MCTP2: variants seen among roughly 807,000 people sequenced by gnomAD.
MCTP2 encodes the protein multiple C2 and transmembrane domain containing 2.
MCTP2 carries 132 observed loss-of-function variants against 111.6 expected under a neutral mutation model. That is an observed-to-expected ratio of 1.18 (90% CI 1.03 to 1.37). The LOEUF (loss-of-function observed/expected upper bound fraction) is 1.37. MCTP2 is among the 40% of genes most tolerant of loss of function. The pLI is 0.00. For synonymous variants in MCTP2, 395 were observed against 387.7 expected (o/e 1.02, Z -0.22); for missense variants, 1,183 against 1,067.9 (o/e 1.11, Z -1.50).
At chr15:94,366,736 A>T (rs762869273) in intron 10 of MCTP2, among the ~76,000 whole-genome samples, 1 of 152,182 alleles carries the variant, frequency 6.6e-6, no homozygotes, top group Non-Finnish European at 1.5e-5. Context: ...TGGGAATACC[A>T]TGCCCCACTT....
Position 94,384,961 on chromosome 15 carries a change from A to G in MCTP2, c.1686-462A>G, listed in dbSNP as rs186613396. ...ATATTAAAATATGTATATTTTTAGTATTTTGTGTTTCAACAACAGAGGGTT... is the reference window on the plus strand; with the variant it reads ...ATATTAAAATATGTATATTTTTAGTGTTTTGTGTTTCAACAACAGAGGGTT... On this transcript the variant is annotated intron_variant, in intron 13 of 22. Coordinates refer to ENST00000357742, the MANE Select transcript of MCTP2 (RefSeq NM_001385001.1). 1.1e-3 allele frequency among the ~76,000 whole-genome samples: 170 copies of G among 152,282 alleles called. 3 individuals carry two copies. Among genetic ancestry groups the G allele is most frequent in the Middle Eastern group, 6.8e-3 (2 of 294 alleles).
intron 20 of MCTP2, among the ~76,000 whole-genome samples, chr15:94,468,236 T>C (rs1466558239): frequency 6.6e-6 from 1 of 150,810 alleles, no homozygotes; most frequent in Non-Finnish European, 1.5e-5. Context: ...GTTTTTACAA[T>C]GTGCCAGACA....
chr15:94,446,891 G>A (rs1217314257), intron 19 of MCTP2, among the ~76,000 whole-genome samples: 1 of 152,190 alleles, frequency 6.6e-6, no homozygotes, highest in African/African-American at 2.4e-5. Flanking sequence ...TATATCAGTT[G>A]TAGATGAAAA....
intron 4 of MCTP2, among the ~76,000 whole-genome samples, chr15:94,328,584 A>G (rs1252712354): frequency 6.6e-6 from 1 of 152,124 alleles, no homozygotes; most frequent in Non-Finnish European, 1.5e-5. Flanking sequence ...TGATTTACTC[A>G]TGTCTGAGTT....
chr15:94,352,094 A>G (rs1043050645), intron 8 of MCTP2, among the ~76,000 whole-genome samples: 1 of 152,194 alleles, frequency 6.6e-6, no homozygotes, highest in Non-Finnish European at 1.5e-5. Context: ...AATGTATGCC[A>G]CCAAACTGTA....
chr15:94,232,363 CCT>C (rs2070240492), intron 1 of MCTP2, among the ~76,000 whole-genome samples: 1 of 152,072 alleles, frequency 6.6e-6, no homozygotes, highest in African/African-American at 2.4e-5. Flanking sequence ...GTTTCAGCCT[CCT>C]CTAGATGCTT....
At chr15:94,297,983 C>T (rs1227789881) in intron 1 of MCTP2, among the ~76,000 whole-genome samples, 1 of 151,452 alleles carries the variant, frequency 6.6e-6, no homozygotes. Flanking sequence ...AATGTTTCTA[C>T]AGTTGCTCTG....
At chr15:94,307,729 C>T (rs1240552581) in intron 2 of MCTP2, among the ~76,000 whole-genome samples, 1 of 152,126 alleles carries the variant, frequency 6.6e-6, no homozygotes, top group Non-Finnish European at 1.5e-5. Context: ...CCAAGCTTTG[C>T]CTTGGACAAA....
chr15:94,337,666 G>GGTGTGT (rs3068711), intron 4 of MCTP2, among the ~76,000 whole-genome samples: 2,086 of 150,882 alleles, frequency 0.014, 38 homozygotes, highest in African/African-American at 0.046. Flanking sequence ...GCCCGAACAC[G>GGTGTGT]GTGTGTGTGT....
At chr15:94,358,377 C>T in intron 9 of MCTP2, 105 bp from the exon 10 acceptor site, 1 of 1,048,336 alleles carries the variant, frequency 9.5e-7, no homozygotes, top group Non-Finnish European at 1.4e-6. Context: ...GGGGTGAGGT[C>T]CATCATCTTG....
chr15:94,245,436 A>G (rs1488660230), intron 1 of MCTP2, among the ~76,000 whole-genome samples: 2 of 137,920 alleles, frequency 1.5e-5, no homozygotes, highest in African/African-American at 2.6e-5. Flanking sequence ...ATATATTTAT[A>G]TATACACATA....
At chr15:94,289,122 C>T (rs1356073998) in intron 1 of MCTP2, among the ~76,000 whole-genome samples, 1 of 152,110 alleles carries the variant, frequency 6.6e-6, no homozygotes, top group Non-Finnish European at 1.5e-5. Context: ...ATGGCTGAAA[C>T]ATTGATAGAT....
intron 4 of MCTP2, among the ~76,000 whole-genome samples, chr15:94,326,137 C>G (rs542587105): frequency 6.6e-6 from 1 of 152,114 alleles, no homozygotes; most frequent in South Asian, 2.1e-4. Context: ...TTTTTAAAAT[C>G]TATTTTTCTT....
At chr15:94,314,848 G>T (rs113056034) in intron 3 of MCTP2, 15 of 447,594 alleles carry the variant, frequency 3.4e-5, no homozygotes, top group Middle Eastern at 3.3e-4. Flanking sequence ...AGGAGGAAGT[G>T]ACTGAGTTGC....
chr15:94,303,047 G>A (rs1596308923), intron 2 of MCTP2, among the ~76,000 whole-genome samples: 1 of 136,902 alleles, frequency 7.3e-6, no homozygotes, highest in South Asian at 2.2e-4. Flanking sequence ...TCTCTAGAGG[G>A]GCAGAACTAA....
chr15:94,332,825 T>C (rs955101355), intron 4 of MCTP2, among the ~76,000 whole-genome samples: 1 of 152,210 alleles, frequency 6.6e-6, no homozygotes, highest in African/African-American at 2.4e-5. Flanking sequence ...ACAGTGGATT[T>C]TTAGTCCAAA....
rs567675142 is a variant in MCTP2 at position 94,243,823 on chromosome 15, A to G, written c.-66+12159A>G. On this transcript the variant is annotated intron_variant, in intron 1 of 22. Coordinates refer to ENST00000357742, the MANE Select transcript of MCTP2 (RefSeq NM_001385001.1). Reference sequence around the variant, plus strand: ...TATGCGTATATACATATATGTATACACATATGTATATATTTATGTACACAT... The same window carrying G: ...TATGCGTATATACATATATGTATACGCATATGTATATATTTATGTACACAT... Among the ~76,000 whole-genome samples, 16 of 148,340 alleles carry G rather than the reference A, an allele frequency of 1.1e-4. No individual in the cohort carries two copies. The South Asian group carries it at 3.2e-3, about 29-fold the overall frequency.
intron 17 of MCTP2, among the ~76,000 whole-genome samples, chr15:94,423,271 G>A (rs559828273): frequency 1.3e-5 from 2 of 152,208 alleles, no homozygotes; most frequent in South Asian, 2.1e-4. Context: ...CCTCTCAAGA[G>A]CCCTTGAGGC....
At position 94,345,158 on chromosome 15, in the gene MCTP2, C is replaced by T. The variant is rs1429875874; in HGVS notation, c.999C>T (p.Ala333=). ...HRWSNRKRLS[A]SKSSLIRNLR... ...GGTCAAATCGGAAGCGATTAAGTGC[C>T]AGCAAGGTAAATATACTTTTTTTTC... is the stretch of plus-strand genomic sequence containing the variant. Residue 333 remains alanine (A), a synonymous_variant, in exon 8 of 23, where the codon GCC becomes GCT. Coordinates refer to ENST00000357742, the MANE Select transcript of MCTP2 (RefSeq NM_001385001.1). The T allele has an allele frequency of 6.2e-7, 1 of 1,612,138 alleles. No homozygotes were observed. Among genetic ancestry groups the T allele is most frequent in the African/African-American group, 1.3e-5 (1 of 74,870 alleles).
Sources: allele counts gnomAD v4.1 joint callset (sites outside exome capture counted in the v4.1 genomes callset), GRCh38; gene constraint gnomAD v4.1.1; transcripts MANE v1.5; gene names NCBI Gene and HGNC (gene_info 2026-07-23, HGNC 2026-07-21).